ATP8A2: variants seen among roughly 807,000 people sequenced by gnomAD.
ATP8A2 encodes the protein phospholipid-transporting ATPase IB.
Under a neutral mutation model 165.6 loss-of-function variants are expected in ATP8A2, and 100 were observed. The ratio of observed to expected loss-of-function variants is 0.60; its 90% CI spans 0.51 to 0.71. The LOEUF (loss-of-function observed/expected upper bound fraction) is 0.71, where lower values mean the gene tolerates loss of function less well. ATP8A2 is among the 30% of genes least tolerant of loss of function. The pLI is 0.00. For synonymous variants in ATP8A2, 543 were observed against 548.8 expected (o/e 0.99, Z 0.15); for missense variants, 1,227 against 1,479.5 (o/e 0.83, Z 2.80).
intron 2 of ATP8A2, 146 bp from the exon 3 acceptor site, chr13:25,529,853 A>T: frequency 1.8e-6 from 1 of 547,200 alleles, no homozygotes; most frequent in Non-Finnish European, 3.2e-6. Flanking sequence ...GCTCTTTAGG[A>T]GAAGATACAC....
chr13:25,854,306 C>T (rs1354181559), intron 30 of ATP8A2, among the ~76,000 whole-genome samples: 1 of 152,114 alleles, frequency 6.6e-6, no homozygotes. Flanking sequence ...CTTTTCTACC[C>T]TACATCCAAA....
At position 25,675,440 on chromosome 13, in the gene ATP8A2, G is replaced by C. The variant is rs529317344; in HGVS notation, c.2212-23733G>C. On this transcript the variant is annotated intron_variant, in intron 24 of 36. Coordinates refer to ENST00000381655, the MANE Select transcript of ATP8A2 (RefSeq NM_016529.6). ...AACAGGGCAGACAGAATCAAATCAGGCCTGGTGTAGAGGTGTACCTTGGGA... is the reference window on the plus strand; with the variant it reads ...AACAGGGCAGACAGAATCAAATCAGCCCTGGTGTAGAGGTGTACCTTGGGA... 1.7e-3 allele frequency among the ~76,000 whole-genome samples: 253 copies of C among 152,306 alleles called. 1 individual carries two copies. The highest frequency in any genetic ancestry group is 5.9e-3 in the African/African-American group (244 of 41,556).
chr13:25,873,039 C>G (rs1450486268), intron 33 of ATP8A2, among the ~76,000 whole-genome samples: 1 of 152,040 alleles, frequency 6.6e-6, no homozygotes, highest in Non-Finnish European at 1.5e-5. Context: ...AGCTCTTGAC[C>G]AACGCAGATC....
chr13:25,524,719 T>G (rs1261671296), intron 2 of ATP8A2, among the ~76,000 whole-genome samples: 6 of 152,102 alleles, frequency 3.9e-5, no homozygotes, highest in Non-Finnish European at 7.4e-5. Context: ...TCTTTATAGG[T>G]GATATCGGTT....
Position 25,372,401 on chromosome 13 carries a change from T to G in ATP8A2, c.76+113T>G. 1.9e-5 allele frequency: 14 copies of G among 742,494 alleles called. No individual in the cohort carries two copies. Among genetic ancestry groups the G allele is most frequent in the Non-Finnish European group, 2.6e-5 (14 of 531,438 alleles). 46.0% of individuals were successfully genotyped at this position (742,494 alleles called of 1,614,324 possible). On this transcript the variant is annotated intron_variant, in intron 1 of 36. Transcript: ENST00000381655. This position sits in a 1 kb window ranked among gnomAD's most constrained non-coding sequence, Gnocchi z 4.8. The stretch of plus-strand genomic sequence containing the variant: ...CCGCGCCCCGCTCCCCTCCCTGGGC[T>G]CCCTGGGCTCTCTGGGCTGCAGGAT...
At chr13:25,966,098 G>A (rs1295344672) in intron 34 of ATP8A2, among the ~76,000 whole-genome samples, 1 of 150,264 alleles carries the variant, frequency 6.7e-6, no homozygotes, top group African/African-American at 2.4e-5. Context: ...AAGTCTCTGA[G>A]AACCTGGAGA....
At chr13:25,813,264 G>C (rs1950922883) in intron 27 of ATP8A2, among the ~76,000 whole-genome samples, 2 of 152,184 alleles carry the variant, frequency 1.3e-5, no homozygotes, top group South Asian at 2.1e-4. Context: ...CTAAGAGTAG[G>C]AGAGCCAGGA....
intron 1 of ATP8A2, among the ~76,000 whole-genome samples, chr13:25,374,387 C>T (rs2032539806): frequency 6.6e-6 from 1 of 152,174 alleles, no homozygotes; most frequent in Non-Finnish European, 1.5e-5. Flanking sequence ...CTGGAAACAG[C>T]AAGTCCGGAA....
intron 1 of ATP8A2, among the ~76,000 whole-genome samples, chr13:25,417,868 A>G (rs2034179267): frequency 6.6e-6 from 1 of 152,236 alleles, no homozygotes; most frequent in African/African-American, 2.4e-5. Context: ...GCATAAACAG[A>G]TATACAGTGG....
rs2040012384 is a variant in ATP8A2, at chr13:25,589,554, C to T, written c.2147-81C>T. On this transcript the variant is annotated intron_variant, in intron 23 of 36. Coordinates refer to ENST00000381655, the MANE Select transcript of ATP8A2 (RefSeq NM_016529.6). Reference sequence around the variant, plus strand: ...GTGTGAGCCAATAGGCTTAAAGTGGCAGATATAACCAAGGAGGTTGAATTT... The same window carrying T: ...GTGTGAGCCAATAGGCTTAAAGTGGTAGATATAACCAAGGAGGTTGAATTT... The T allele has an allele frequency of 6.9e-6, 7 of 1,016,098 alleles. No individual in the cohort carries two copies. The Admixed American group carries it at 1.1e-4, about 16-fold the overall frequency. 62.9% of individuals were successfully genotyped at this position (1,016,098 alleles called of 1,614,324 possible).
At position 25,468,052 on chromosome 13, in the gene ATP8A2, G is replaced by A. The variant is rs892619805; in HGVS notation, c.77-925G>A. 2.0e-4 allele frequency among the ~76,000 whole-genome samples: 31 copies of A among 152,296 alleles called. 1 individual carries two copies. Among genetic ancestry groups the A allele is most frequent in the African/African-American group, 7.5e-4 (31 of 41,572 alleles). ...AGCTGGGCAGCCCCTTCTAAGAAGGGATGCTGCCTTGGAGTTGGAGATGAG... is the reference window on the plus strand; with the variant it reads ...AGCTGGGCAGCCCCTTCTAAGAAGGAATGCTGCCTTGGAGTTGGAGATGAG... On this transcript the variant is annotated intron_variant, in intron 1 of 36. Transcript: ENST00000381655.
intron 2 of ATP8A2, among the ~76,000 whole-genome samples, chr13:25,483,952 T>C (rs2036280395): frequency 6.6e-6 from 1 of 152,238 alleles, no homozygotes; most frequent in African/African-American, 2.4e-5. Flanking sequence ...TGCGTATTAC[T>C]CTGCCCAAGA....
chr13:25,655,644 C>G (rs2041911865), intron 24 of ATP8A2, among the ~76,000 whole-genome samples: 1 of 151,868 alleles, frequency 6.6e-6, no homozygotes, highest in Middle Eastern at 3.4e-3. Context: ...ATGCCTCTAA[C>G]TGGGAATGGT....
intron 33 of ATP8A2, among the ~76,000 whole-genome samples, chr13:25,885,751 T>A (rs1953131067): frequency 6.6e-6 from 1 of 152,230 alleles, no homozygotes; most frequent in African/African-American, 2.4e-5. Context: ...GCAGGGTATT[T>A]GTGGAGCCAG....
rs148881388 is a variant in ATP8A2, at chr13:25,600,962, G to C, written c.2211+11263G>C. Among the ~76,000 whole-genome samples the C allele has an allele frequency of 1.6e-4, 25 of 152,324 alleles. 1 individual carries two copies. Among genetic ancestry groups the C allele is most frequent in the African/African-American group, 6.0e-4 (25 of 41,572 alleles). ...CACGGATGTGGTCTATTCCATAAAA[G>C]TCAGACCTTTAACATTCAGTCGATT... On this transcript the variant is annotated intron_variant, in intron 24 of 36. Transcript: ENST00000381655.
At chr13:25,851,475 C>T (rs190448407) in intron 30 of ATP8A2, among the ~76,000 whole-genome samples, 4 of 151,652 alleles carry the variant, frequency 2.6e-5, no homozygotes, top group Admixed American at 6.6e-5. Flanking sequence ...CCCAGCTACC[C>T]GGGAGGCTGA....
At chr13:25,767,832 T>C (rs1020388873) in intron 25 of ATP8A2, among the ~76,000 whole-genome samples, 2 of 152,210 alleles carry the variant, frequency 1.3e-5, no homozygotes, top group African/African-American at 4.8e-5. Flanking sequence ...GTTTGCTGTC[T>C]CGCCAAATGC....
chr13:25,408,690 A>G lies in ATP8A2; in HGVS notation c.76+36402A>G, dbSNP rs556498241. ...AAGCCCTAAACTCTTTACTTTCCCA[A>G]AATAATCTTGGCCTTATTTTAAAAG... On this transcript the variant is annotated intron_variant, in intron 1 of 36. Coordinates refer to ENST00000381655, the MANE Select transcript of ATP8A2 (RefSeq NM_016529.6). Among the ~76,000 whole-genome samples, 193 of 151,542 alleles carry G rather than the reference A, an allele frequency of 1.3e-3. 3 individuals are homozygous for G. Among genetic ancestry groups the G allele is most frequent in the Admixed American group, 0.012 (187 of 15,220 alleles).
chr13:25,716,726 A>G (rs2043263199), intron 25 of ATP8A2, among the ~76,000 whole-genome samples: 1 of 152,170 alleles, frequency 6.6e-6, no homozygotes, highest in African/African-American at 2.4e-5. Flanking sequence ...CGTGTAAAAC[A>G]TTGTTCCAGG....
Sources: allele counts gnomAD v4.1 joint callset (sites outside exome capture counted in the v4.1 genomes callset), GRCh38; gene constraint gnomAD v4.1.1; non-coding constraint Gnocchi (gnomAD v3.1); transcripts MANE v1.5; gene names NCBI Gene and HGNC (gene_info 2026-07-23, HGNC 2026-07-21).